KLHL31: variants seen among roughly 807,000 people sequenced by gnomAD.
KLHL31 encodes the protein kelch like family member 31, also known as kelch-like protein 31.
Under a neutral mutation model 47.1 loss-of-function variants are expected in KLHL31, and 32 were observed. The observed-to-expected ratio is 0.68, with a 90% CI of 0.51 to 0.91. The LOEUF (loss-of-function observed/expected upper bound fraction) is 0.91. Among genes scored for constraint, KLHL31 ranks in the 40% least tolerant of loss-of-function variants. The probability of loss-of-function intolerance (pLI) is 0.00; values close to 1 mark genes in which losing one functional copy is unlikely to be tolerated. For missense variants in KLHL31, 797 were observed against 819.3 expected, an observed-to-expected ratio of 0.97 and a Z score of 0.33; for synonymous variants, 330 against 325.1, an observed-to-expected ratio of 1.01 and a Z score of -0.16.
In KLHL31 at chr6:53,650,134, A is replaced by G. The variant is rs1324620937; in HGVS notation, c.*1464T>C. On this transcript the variant is annotated 3_prime_UTR_variant, in exon 3 of 3. Transcript: ENST00000370905. ...AACAAAAACCAAATTATATTTCCAT[A>G]TATCTCATGTTCAATTCCTAAATAG... 3 of 152,238 alleles carry G rather than the reference A, an allele frequency of 2.0e-5. No individual in the cohort carries two copies. Among genetic ancestry groups the G allele is most frequent in the Non-Finnish European group, 4.4e-5 (3 of 68,034 alleles). 9.4% of individuals were successfully genotyped at this position (152,238 alleles called of 1,614,324 possible). A position where few individuals can be genotyped will look rare whatever the true frequency, so the allele number is the denominator to read the frequency against.
intron 1 of KLHL31, among the ~76,000 whole-genome samples, chr6:53,657,041 T>A (rs1347143771): frequency 6.9e-6 from 1 of 145,574 alleles, no homozygotes; most frequent in African/African-American, 2.5e-5. Flanking sequence ...CAAGCAGTCC[T>A]CCCACCTCAG....
In KLHL31 at chr6:53,652,431, A is replaced by C. The variant is rs150582404; in HGVS notation, c.1173-101T>G. The C allele has an allele frequency of 1.8e-4, 259 of 1,459,980 alleles. No homozygotes were observed. The East Asian group carries it at 4.8e-3, about 27-fold the overall frequency. 90.4% of individuals were successfully genotyped at this position (1,459,980 alleles called of 1,614,324 possible). On this transcript the variant is annotated intron_variant, in intron 2 of 2. Coordinates refer to ENST00000370905, the MANE Select transcript of KLHL31 (RefSeq NM_001003760.5). ...TGGGAAGCCTGACACTACCCCTGCA[A>C]GGAGGCGAGGGACCTGGCCCAGCAC...
chr6:53,657,786 T>C (rs975085177), intron 1 of KLHL31, among the ~76,000 whole-genome samples: 24 of 152,110 alleles, frequency 1.6e-4, no homozygotes, highest in African/African-American at 5.1e-4. Context: ...TTGCTCCTGT[T>C]CCTATCCATG....
Position 53,654,166 on chromosome 6 carries a change from T to C in KLHL31, c.1107A>G (p.Val369=). The C allele has an allele frequency of 6.2e-7, 1 of 1,614,118 alleles. No homozygotes were observed. The highest frequency in any genetic ancestry group is 1.1e-5 in the South Asian group (1 of 91,050). The change falls in exon 2 of 3, where the codon GTA becomes GTG. Residue 369 remains valine (V), a synonymous_variant. Coordinates refer to ENST00000370905, the MANE Select transcript of KLHL31 (RefSeq NM_001003760.5). Reference sequence around the variant, plus strand: ...CATCATTCTGGTCTTCACCACCGGCTACATAAAGAAATCCATCCATCACAG... The same window carrying C: ...CATCATTCTGGTCTTCACCACCGGCCACATAAAGAAATCCATCCATCACAG... The part of the protein sequence containing the change: ...CVAVMDGFLY[V]AGGEDQNDAR...
chr6:53,649,097 T>C lies in KLHL31; in HGVS notation c.*2501A>G, dbSNP rs1033992005. The C allele has an allele frequency of 2.0e-5, 3 of 152,214 alleles. No homozygotes were observed. Among genetic ancestry groups the C allele is most frequent in the African/African-American group, 7.2e-5 (3 of 41,460 alleles). The allele number at this position is 152,214 out of a possible 1,614,324, so 9.4% of individuals were successfully genotyped here. A position where few individuals can be genotyped will look rare whatever the true frequency, so the allele number is the denominator to read the frequency against. ...TTGGGAAATCTGGAGAAACTAGGTTTCTAGGAGCAACTGCTTCAATAGTTG... is the reference window on the plus strand; with the variant it reads ...TTGGGAAATCTGGAGAAACTAGGTTCCTAGGAGCAACTGCTTCAATAGTTG... On this transcript the variant is annotated 3_prime_UTR_variant, in exon 3 of 3. Coordinates refer to ENST00000370905, the MANE Select transcript of KLHL31 (RefSeq NM_001003760.5).
Position 53,656,510 on chromosome 6 carries a change from G to A in KLHL31, c.-33-1205C>T, listed in dbSNP as rs114895963. Among the ~76,000 whole-genome samples, 1,122 of 152,146 alleles carry A rather than the reference G, an allele frequency of 7.4e-3. 16 individuals are homozygous for A. Among genetic ancestry groups the A allele is most frequent in the African/African-American group, 0.026 (1,066 of 41,510 alleles). On this transcript the variant is annotated intron_variant, in intron 1 of 2. Coordinates refer to ENST00000370905, the MANE Select transcript of KLHL31 (RefSeq NM_001003760.5). ...TATATGTATATGTGTGTATGTGTGT[G>A]TAGATATATACAGTATATATGTGTG...
chr6:53,663,548 T>G (rs1047002252), intron 1 of KLHL31, among the ~76,000 whole-genome samples: 2 of 152,246 alleles, frequency 1.3e-5, no homozygotes, highest in Non-Finnish European at 2.9e-5. Context: ...GAAATTATCA[T>G]TTTTTGTTTA....
At position 53,650,683 on chromosome 6, in the gene KLHL31, G is replaced by A. The variant is rs1304454166; in HGVS notation, c.*915C>T. 1.3e-5 allele frequency: 2 copies of A among 152,134 alleles called. No individual in the cohort carries two copies. Among genetic ancestry groups the A allele is most frequent in the East Asian group, 1.9e-4 (1 of 5,186 alleles). The allele number at this position is 152,134 out of a possible 1,614,324, so 9.4% of individuals were successfully genotyped here. ...GACATAGTTTTATTTGGTGATCTTC[G>A]CGGGGTGTACATTAGGGCCAAGGTT... is the stretch of plus-strand genomic sequence containing the variant. On this transcript the variant is annotated 3_prime_UTR_variant, in exon 3 of 3. Transcript: ENST00000370905.
In KLHL31 at chr6:53,649,268, G is replaced by A. The variant is rs967741121; in HGVS notation, c.*2330C>T. 1 of 152,134 alleles carries A rather than the reference G, an allele frequency of 6.6e-6. No individual in the cohort carries two copies. The highest frequency in any genetic ancestry group is 1.5e-5 in the Non-Finnish European group (1 of 67,976). 9.4% of individuals were successfully genotyped at this position (152,134 alleles called of 1,614,324 possible). A position where few individuals can be genotyped will look rare whatever the true frequency, so the allele number is the denominator to read the frequency against. ...CTTACATTCCATACTCCTCGCCAAT[G>A]TGTTATGTCAGAAATTCTGACATTC... On this transcript the variant is annotated 3_prime_UTR_variant, in exon 3 of 3. Coordinates refer to ENST00000370905, the MANE Select transcript of KLHL31 (RefSeq NM_001003760.5).
rs1764429502 is a variant in KLHL31 at position 53,648,893 on chromosome 6, T to C, written c.*2705A>G. The C allele has an allele frequency of 6.6e-6, 1 of 152,206 alleles. No homozygotes were observed. Among genetic ancestry groups the C allele is most frequent in the South Asian group, 2.1e-4 (1 of 4,834 alleles). The allele number at this position is 152,206 out of a possible 1,614,324, so 9.4% of individuals were successfully genotyped here. On this transcript the variant is annotated 3_prime_UTR_variant, in exon 3 of 3. Transcript: ENST00000370905. ...GCTTGAATTTTATTATTTCAGTTGCTGGGTAACATGCAATTTCCCTGATAT... is the reference window on the plus strand; with the variant it reads ...GCTTGAATTTTATTATTTCAGTTGCCGGGTAACATGCAATTTCCCTGATAT...
chr6:53,651,795 C>T lies in KLHL31; in HGVS notation c.1708G>A (p.Val570Met), dbSNP rs531505393. ...VSALHGRAYL[V>M]GGWNEGEKKY... ...TTCTCGCCCTCGTTCCAGCCCCCCA[C>T]CAGGTAGGCGCGGCCATGCAGCGCC... The change falls in exon 3 of 3, where the codon GTG (valine) becomes ATG (methionine). Residue 570 changes from valine to methionine, a missense_variant. Val to Met is a conservative substitution (Grantham distance 21). Transcript: ENST00000370905. 20 of 1,613,334 alleles carry T rather than the reference C, an allele frequency of 1.2e-5. No individual in the cohort carries two copies. The South Asian group carries it at 2.0e-4, about 16-fold the overall frequency.
chr6:53,654,232 C>A lies in KLHL31; in HGVS notation c.1041G>T (p.Lys347Asn). 1 of 1,614,196 alleles carries A rather than the reference C, an allele frequency of 6.2e-7. No individual in the cohort carries two copies. ...AACTTTTGGCTGGCATTTCCGTAAG[C>A]TTGCTCCATCCATTTTCAGGGTCTC... ...LYRDPENGWS[K>N]LTEMPAKSFN... is the part of the protein sequence containing the mutation. The change falls in exon 2 of 3, where the codon AAG (lysine) becomes AAT (asparagine). Residue 347 changes from lysine (K) to asparagine (N), a missense_variant. Lys to Asn is a moderately conservative substitution (Grantham distance 94). Coordinates refer to ENST00000370905, the MANE Select transcript of KLHL31 (RefSeq NM_001003760.5).
In KLHL31 at chr6:53,649,465, C is replaced by T. The variant is rs887919327; in HGVS notation, c.*2133G>A. ...TGATTTATCCAGCACTAACATGTCTCCAGTTTCATCTCTAGAAAGCCACTG... is the reference window on the plus strand; with the variant it reads ...TGATTTATCCAGCACTAACATGTCTTCAGTTTCATCTCTAGAAAGCCACTG... On this transcript the variant is annotated 3_prime_UTR_variant, in exon 3 of 3. Transcript: ENST00000370905. 4 of 152,108 alleles carry T rather than the reference C, an allele frequency of 2.6e-5. No homozygotes were observed. Among genetic ancestry groups the T allele is most frequent in the Non-Finnish European group, 2.9e-5 (2 of 67,988 alleles). The allele number at this position is 152,108 out of a possible 1,614,324, so 9.4% of individuals were successfully genotyped here. A position where few individuals can be genotyped will look rare whatever the true frequency, so the allele number is the denominator to read the frequency against.
chr6:53,654,078 G>T (rs1298908051), intron 2 of KLHL31, 23 bp downstream of exon 2: 5 of 1,560,700 alleles, frequency 3.2e-6, no homozygotes, highest in Non-Finnish European at 4.3e-6. Context: ...AGCCATTTCA[G>T]TTCCTAATAA....
intron 1 of KLHL31, among the ~76,000 whole-genome samples, chr6:53,656,901 G>T (rs981112252): frequency 1.4e-5 from 2 of 146,450 alleles, no homozygotes; most frequent in Admixed American, 6.8e-5. Flanking sequence ...TAAAAGGCAA[G>T]CAACAGACTG....
intron 2 of KLHL31, among the ~76,000 whole-genome samples, chr6:53,653,280 TA>T (rs1764503098): frequency 6.6e-6 from 1 of 152,196 alleles, no homozygotes; most frequent in Non-Finnish European, 1.5e-5. Flanking sequence ...AATTAAACAC[TA>T]AAAATCAGTT....
chr6:53,651,419 A>AAAT lies in KLHL31; in HGVS notation c.*178_*179insATT. 1 of 358,180 alleles carries AAAT rather than the reference A, an allele frequency of 2.8e-6. No homozygotes were observed. The highest frequency in any genetic ancestry group is 5.0e-6 in the Non-Finnish European group (1 of 201,502). The allele number at this position is 358,180 out of a possible 1,614,324, so 22.2% of individuals were successfully genotyped here. A position where few individuals can be genotyped will look rare whatever the true frequency, so the allele number is the denominator to read the frequency against. ...TTTGCTAAAAAAAAAAAAAAAAAAA[A>AAAT]GAGGTAGATTATGCCATACCAGGAA... is the stretch of plus-strand genomic sequence containing the variant. On this transcript the variant is annotated 3_prime_UTR_variant, in exon 3 of 3. Coordinates refer to ENST00000370905, the MANE Select transcript of KLHL31 (RefSeq NM_001003760.5).
rs1307446586 is a variant in KLHL31 at position 53,648,670 on chromosome 6, C to G, written c.*2928G>C. Reference sequence around the variant, plus strand: ...GTTTTAAAATTATACGAATCTGTACCATCACTGACCTTCTATTCAAAACCA... The same window carrying G: ...GTTTTAAAATTATACGAATCTGTACGATCACTGACCTTCTATTCAAAACCA... On this transcript the variant is annotated 3_prime_UTR_variant, in exon 3 of 3. Coordinates refer to ENST00000370905, the MANE Select transcript of KLHL31 (RefSeq NM_001003760.5). 3 of 152,066 alleles carry G rather than the reference C, an allele frequency of 2.0e-5. No individual in the cohort carries two copies. Among genetic ancestry groups the G allele is most frequent in the Admixed American group, 2.0e-4 (3 of 15,270 alleles). The allele number at this position is 152,066 out of a possible 1,614,324, so 9.4% of individuals were successfully genotyped here.
At chr6:53,656,931 C>CTTTTT (rs10665063) in intron 1 of KLHL31, among the ~76,000 whole-genome samples, 37,637 of 97,436 alleles carry the variant, frequency 0.39, 9,139 homozygotes, top group Admixed American at 0.5. Context: ...GTATTTTTAA[C>CTTTTT]TTTTTTTTTT....
Sources: allele counts gnomAD v4.1 joint callset (sites outside exome capture counted in the v4.1 genomes callset), GRCh38; gene constraint gnomAD v4.1.1; transcripts MANE v1.5; gene names NCBI Gene and HGNC (gene_info 2026-07-23, HGNC 2026-07-21).